SHOC1: variants seen among roughly 807,000 people sequenced by gnomAD.
SHOC1 encodes shortage in chiasmata 1, also known as protein shortage in chiasmata 1 ortholog.
SHOC1 carries 136 observed loss-of-function variants against 179.2 expected under a neutral mutation model. The ratio of observed to expected loss-of-function variants is 0.76; its 90% CI spans 0.66 to 0.87. The LOEUF is 0.87. SHOC1 is among the 40% of genes least tolerant of loss of function. The pLI is 0.00. For synonymous variants in SHOC1, 489 were observed against 586.6 expected (o/e 0.83, Z 2.41); for missense variants, 1,538 against 1,700.8 (o/e 0.90, Z 1.68).
At chr9:111,746,723 C>A (rs1216343348) in intron 9 of SHOC1, among the ~76,000 whole-genome samples, 4 of 151,888 alleles carry the variant, frequency 2.6e-5, no homozygotes, top group Non-Finnish European at 5.9e-5. Flanking sequence ...TTGTAAGCAA[C>A]TATTATGTTT....
At chr9:111,714,085 G>A (rs930566144) in intron 17 of SHOC1, among the ~76,000 whole-genome samples, 3 of 152,062 alleles carry the variant, frequency 2.0e-5, no homozygotes, top group African/African-American at 4.8e-5. Context: ...AACAATCATG[G>A]CTCACTGCAG....
chr9:111,722,725 A>G (rs1230286109), intron 14 of SHOC1, 140 bp from the exon 15 acceptor site: 23 of 574,152 alleles, frequency 4.0e-5, no homozygotes, highest in Non-Finnish European at 4.8e-5. Flanking sequence ...AGATTGTATA[A>G]AAACTTATTT....
chr9:111,732,750 A>AG (rs1356608336), intron 12 of SHOC1, among the ~76,000 whole-genome samples: 1 of 152,046 alleles, frequency 6.6e-6, no homozygotes, highest in Admixed American at 6.5e-5. Context: ...GTCAAGGACC[A>AG]GGGGGGTAGG....
intron 5 of SHOC1, among the ~76,000 whole-genome samples, chr9:111,774,833 A>G (rs1399250788): frequency 1.3e-5 from 2 of 152,170 alleles, no homozygotes; most frequent in African/African-American, 4.8e-5. Context: ...AAATGATAGT[A>G]ATAATCACAT....
At chr9:111,764,071 C>T (rs180840915) in intron 5 of SHOC1, among the ~76,000 whole-genome samples, 11 of 152,244 alleles carry the variant, frequency 7.2e-5, no homozygotes, top group Non-Finnish European at 1.5e-4. Flanking sequence ...TTAAATTGCA[C>T]GGTGTTGTGA....
At chr9:111,755,119 A>C (rs879688926) in intron 8 of SHOC1, among the ~76,000 whole-genome samples, 1 of 152,214 alleles carries the variant, frequency 6.6e-6, no homozygotes, top group Non-Finnish European at 1.5e-5. Flanking sequence ...TGTTTTACTT[A>C]GTACAGCAGC....
At chr9:111,704,773 T>C (rs1216034118) in intron 21 of SHOC1, among the ~76,000 whole-genome samples, 5 of 152,174 alleles carry the variant, frequency 3.3e-5, no homozygotes, top group Non-Finnish European at 5.9e-5. Flanking sequence ...TCTAAAGATT[T>C]AAAACCTTGA....
intron 9 of SHOC1, 93 bp downstream of exon 9, chr9:111,747,995 AACTG>A (rs1834371185): frequency 2.8e-6 from 2 of 721,938 alleles, no homozygotes. Flanking sequence ...TAAACATGGA[AACTG>A]ACTCACAGTA....
intron 9 of SHOC1, 39 bp downstream of exon 9, chr9:111,748,052 GT>G (rs1412496302): frequency 7.6e-7 from 1 of 1,319,232 alleles, no homozygotes; most frequent in Non-Finnish European, 1.1e-6. Context: ...TCATAAATAG[GT>G]AATCCCCAAT....
chr9:111,726,196 G>A (rs1833287824), intron 13 of SHOC1, among the ~76,000 whole-genome samples: 2 of 152,152 alleles, frequency 1.3e-5, no homozygotes, highest in South Asian at 4.2e-4. Context: ...TTATAAGGTG[G>A]CCAAACTATT....
At chr9:111,772,913 G>T (rs1336615033) in intron 5 of SHOC1, among the ~76,000 whole-genome samples, 1 of 152,166 alleles carries the variant, frequency 6.6e-6, no homozygotes, top group Non-Finnish European at 1.5e-5. Flanking sequence ...AATCCAAGAT[G>T]GAGGGAAAGC....
At chr9:111,698,430 C>T (rs1459232068) in intron 24 of SHOC1, among the ~76,000 whole-genome samples, 1 of 152,214 alleles carries the variant, frequency 6.6e-6, no homozygotes, top group East Asian at 1.9e-4. Flanking sequence ...GTTTTCCCAG[C>T]ACCATTTATT....
rs36046676 is a variant in SHOC1 at position 111,782,714 on chromosome 9, TA to T, written c.170-1698del. 2.0e-3 allele frequency among the ~76,000 whole-genome samples: 300 copies of T among 147,102 alleles called. 1 individual carries two copies. The highest frequency in any genetic ancestry group is 6.8e-3 in the African/African-American group (273 of 40,356). On this transcript the variant is annotated intron_variant, in intron 3 of 27. Coordinates refer to ENST00000682961, the MANE Select transcript of SHOC1 (RefSeq NM_001378211.1). ...GGCTTTCTTGACCACAGATGAGGTC[TA>T]AAAAAAAAACAAAAACAAAAACAAG...
At chr9:111,722,730 T>G in intron 14 of SHOC1, 145 bp from the exon 15 acceptor site, 1 of 177,404 alleles carries the variant, frequency 5.6e-6, no homozygotes, top group Non-Finnish European at 9.6e-6. Context: ...GTATAAAAAC[T>G]TATTTTAAGA....
Position 111,727,742 on chromosome 9 carries a change from G to A in SHOC1, c.1725C>T (p.Gly575=), listed in dbSNP as rs756568968. 1 of 1,612,834 alleles carries A rather than the reference G, an allele frequency of 6.2e-7. No homozygotes were observed. Among genetic ancestry groups the A allele is most frequent in the African/African-American group, 1.3e-5 (1 of 74,790 alleles). ...GGTCCAAATCATTCTCTTGTTTTTT[G>A]CCATGTTCAAAAGATGCTTTTTTAA... ...SIIKKASFEH[G]KKQENDLDLL... The change falls in exon 13 of 28, where the codon GGC becomes GGT. Residue 575 remains glycine, a synonymous_variant. Transcript: ENST00000682961.
rs762528572 is a variant in SHOC1 at position 111,706,670 on chromosome 9, C to T, written c.2635G>A (p.Glu879Lys). 1 of 1,608,932 alleles carries T rather than the reference C, an allele frequency of 6.2e-7. No individual in the cohort carries two copies. The highest frequency in any genetic ancestry group is 1.1e-5 in the South Asian group (1 of 90,554). ...FPWSNFSFVV[E>K]YNYVEDSCWT... ...CAAGAGTCTTCCACATAATTGTATT[C>T]CACCACAAATGAGAAATTACTCCAG... The change falls in exon 20 of 28, where the codon GAA (glutamate) becomes AAA (lysine). Residue 879 changes from glutamate (E) to lysine (K), a missense_variant. Physicochemically the swap from Glu to Lys is moderately conservative, Grantham distance 56. Coordinates refer to ENST00000682961, the MANE Select transcript of SHOC1 (RefSeq NM_001378211.1).
rs770151235 is a variant in SHOC1, at chr9:111,706,781, T to C, written c.2559-35A>G. ...AAAGAGAGCCAAGAAAATGGCATTA[T>C]ACTTGTGTTATTATTTTGTTGAACT... On this transcript the variant is annotated intron_variant, in intron 19 of 27. Transcript: ENST00000682961. The C allele has an allele frequency of 4.9e-6, 7 of 1,440,670 alleles. No individual in the cohort carries two copies. The Admixed American group carries it at 1.5e-4, about 32-fold the overall frequency. 89.2% of individuals were successfully genotyped at this position (1,440,670 alleles called of 1,614,324 possible).
chr9:111,700,463 G>T (rs1028213202), intron 23 of SHOC1, among the ~76,000 whole-genome samples: 1 of 152,134 alleles, frequency 6.6e-6, no homozygotes, highest in Non-Finnish European at 1.5e-5. Flanking sequence ...GTTAGAAAAT[G>T]CATCTTTTTC....
intron 13 of SHOC1, 23 bp downstream of exon 13, chr9:111,727,610 C>T: frequency 6.5e-7 from 1 of 1,533,654 alleles, no homozygotes; most frequent in Non-Finnish European, 8.7e-7. Context: ...ATATCTACGG[C>T]AAAATATTAT....
Sources: allele counts gnomAD v4.1 joint callset (sites outside exome capture counted in the v4.1 genomes callset), GRCh38; gene constraint gnomAD v4.1.1; transcripts MANE v1.5; gene names NCBI Gene and HGNC (gene_info 2026-07-23, HGNC 2026-07-21).